Variants in FRMD4A observed in about 807,000 individuals in gnomAD.
FRMD4A encodes the protein FERM domain-containing protein 4A.
In FRMD4A, 29 loss-of-function variants were observed where a neutral mutation model predicts 129.1. The ratio of observed to expected loss-of-function variants is 0.22; its 90% CI spans 0.17 to 0.31. The LOEUF is 0.31. Among genes scored for constraint, FRMD4A ranks in the 10% least tolerant of loss-of-function variants. FRMD4A has a pLI of 1.00. For synonymous variants in FRMD4A, 634 were observed against 571.6 expected, an observed-to-expected ratio of 1.11 and a Z score of -1.56; for missense variants, 1,272 against 1,375.8, an observed-to-expected ratio of 0.92 and a Z score of 1.19.
intron 2 of FRMD4A, among the ~76,000 whole-genome samples, chr10:13,970,288 TA>T (rs1358876218): frequency 5.5e-5 from 8 of 145,178 alleles, no homozygotes; most frequent in African/African-American, 2.3e-4. Context: ...GTAAAGGGTC[TA>T]CCCCCCGCCT....
chr10:13,984,188 C>A (rs1013441151), intron 2 of FRMD4A, among the ~76,000 whole-genome samples: 2 of 152,036 alleles, frequency 1.3e-5, no homozygotes, highest in African/African-American at 4.8e-5. Context: ...GATTTCAAAG[C>A]GTTAAAACCA....
At chr10:14,123,208 G>A (rs909958102) in intron 2 of FRMD4A, among the ~76,000 whole-genome samples, 2 of 152,086 alleles carry the variant, frequency 1.3e-5, no homozygotes, top group South Asian at 2.1e-4. Flanking sequence ...CAGCTGGAGC[G>A]AAACTGTTGC....
chr10:13,808,905 C>A (rs2093401200), intron 4 of FRMD4A, among the ~76,000 whole-genome samples: 1 of 152,222 alleles, frequency 6.6e-6, no homozygotes, highest in African/African-American at 2.4e-5. Context: ...CTGCCCCCCA[C>A]AGAGCCTCCA....
intron 2 of FRMD4A, among the ~76,000 whole-genome samples, chr10:14,106,640 C>G (rs1360975361): frequency 6.6e-6 from 1 of 152,192 alleles, no homozygotes; most frequent in Non-Finnish European, 1.5e-5. Flanking sequence ...TTCTCACTTG[C>G]TTTATCCACA....
intron 2 of FRMD4A, among the ~76,000 whole-genome samples, chr10:14,125,163 C>A (rs940520761): frequency 6.6e-6 from 1 of 152,222 alleles, no homozygotes; most frequent in South Asian, 2.1e-4. Context: ...CCAACGCATG[C>A]ACCATGATCA....
At chr10:13,728,574 T>TTTTTTTTTTTTTTTTTTTTTTTTC in intron 12 of FRMD4A, among the ~76,000 whole-genome samples, 1 of 22,320 alleles carries the variant, frequency 4.5e-5, no homozygotes, top group Non-Finnish European at 1.1e-4. Flanking sequence ...ATTACCATTC[T>TTTTTTTTTTTTTTTTTTTTTTTTC]TTTTTTTTTT....
chr10:13,730,857 T>TAAAAAAAAAAAAA (rs2090270997), intron 12 of FRMD4A, among the ~76,000 whole-genome samples: 1 of 14,834 alleles, frequency 6.7e-5, no homozygotes, highest in East Asian at 1.7e-3. Context: ...CTACTAAAAA[T>TAAAAAAAAAAAAA]ACAAAAAAAA....
chr10:14,019,068 G>A (rs913416379), intron 2 of FRMD4A, among the ~76,000 whole-genome samples: 1 of 152,176 alleles, frequency 6.6e-6, no homozygotes, highest in Admixed American at 6.5e-5. Context: ...ATGAATTCCA[G>A]GAAAAGGATT....
chr10:14,223,283 G>C (rs1843322929), intron 2 of FRMD4A, among the ~76,000 whole-genome samples: 1 of 152,196 alleles, frequency 6.6e-6, no homozygotes, highest in Non-Finnish European at 1.5e-5. Context: ...AGGAATGCCT[G>C]TTCCCTCACT....
chr10:13,893,956 G>A (rs2094729567), intron 2 of FRMD4A, among the ~76,000 whole-genome samples: 1 of 152,104 alleles, frequency 6.6e-6, no homozygotes, highest in Non-Finnish European at 1.5e-5. Context: ...GGCCAATCCT[G>A]CCTCCAGGCT....
intron 8 of FRMD4A, among the ~76,000 whole-genome samples, chr10:13,750,101 AAAGAAATG>A (rs1190960549): frequency 0.015 from 1,672 of 111,430 alleles, 36 homozygotes; most frequent in African/African-American, 0.048. Flanking sequence ...AGAAAGAAAG[AAAGAAATG>A]AAGAAAGAAA....
intron 3 of FRMD4A, among the ~76,000 whole-genome samples, chr10:13,849,401 G>A (rs1290838407): frequency 1.3e-5 from 2 of 151,986 alleles, no homozygotes. Flanking sequence ...GGAAGACACG[G>A]AATCAACTCC....
rs753413824 is a variant in FRMD4A, at chr10:13,762,595, A to G, written c.441+29T>C. 7.7e-6 allele frequency: 10 copies of G among 1,297,610 alleles called. No individual in the cohort carries two copies. The South Asian group carries it at 9.5e-5, about 12-fold the overall frequency. 80.4% of individuals were successfully genotyped at this position (1,297,610 alleles called of 1,614,324 possible). A position where few individuals can be genotyped will look rare whatever the true frequency, so the allele number is the denominator to read the frequency against. On this transcript the variant is annotated intron_variant, in intron 7 of 24. Transcript: ENST00000357447. ...CCTTTCTTCTGTGTATGGCCGTGGG[A>G]CATAAAGAGGAGGAGAAAAACAACT...
At chr10:13,947,054 C>A (rs1038003518) in intron 2 of FRMD4A, among the ~76,000 whole-genome samples, 1 of 152,096 alleles carries the variant, frequency 6.6e-6, no homozygotes, top group Non-Finnish European at 1.5e-5. Context: ...ATCACAGAAA[C>A]CTTCCATCAA....
At chr10:13,841,921 G>A (rs189182659) in intron 3 of FRMD4A, among the ~76,000 whole-genome samples, 4 of 152,202 alleles carry the variant, frequency 2.6e-5, no homozygotes, top group Admixed American at 2.0e-4. Flanking sequence ...ATCTTGTTGG[G>A]GACTCTGCTC....
At chr10:14,057,649 C>T (rs1834603407) in intron 2 of FRMD4A, among the ~76,000 whole-genome samples, 1 of 152,000 alleles carries the variant, frequency 6.6e-6, no homozygotes, top group African/African-American at 2.4e-5. Context: ...CTGCTCACCA[C>T]AACCTCCGCC....
intron 2 of FRMD4A, among the ~76,000 whole-genome samples, chr10:14,000,646 C>CAAAAAAAAAAAAAAAAAAA (rs11377448): frequency 1.6e-4 from 7 of 43,476 alleles, no homozygotes; most frequent in Admixed American, 3.8e-4. Flanking sequence ...GACGCCACCT[C>CAAAAAAAAAAAAAAAAAAA]AAAAAAAAAA....
chr10:14,241,155 A>G (rs1429768954), intron 2 of FRMD4A, among the ~76,000 whole-genome samples: 1 of 152,206 alleles, frequency 6.6e-6, no homozygotes, highest in Non-Finnish European at 1.5e-5. Context: ...CTTTCAAGGG[A>G]TGTAATAAAA....
chr10:14,239,355 C>T (rs1378090497), intron 2 of FRMD4A, among the ~76,000 whole-genome samples: 2 of 152,110 alleles, frequency 1.3e-5, no homozygotes, highest in African/African-American at 4.8e-5. Context: ...TGGCCGGACG[C>T]GGTGGCTCAC....
Sources: allele counts gnomAD v4.1 joint callset (sites outside exome capture counted in the v4.1 genomes callset), GRCh38; gene constraint gnomAD v4.1.1; transcripts MANE v1.5; gene names NCBI Gene and HGNC (gene_info 2026-07-23, HGNC 2026-07-21).